The following RPS6KA5 variants were observed in gnomAD, a reference collection of about 807,000 sequenced individuals.
RPS6KA5 encodes ribosomal protein S6 kinase alpha-5.
RPS6KA5 carries 27 observed loss-of-function variants against 85.5 expected under a neutral mutation model. That is an observed-to-expected ratio of 0.32 (90% CI 0.23 to 0.44). RPS6KA5 has a LOEUF of 0.44. Ranked by LOEUF, RPS6KA5 falls within the 20% of genes least tolerant of loss-of-function variation. The probability of loss-of-function intolerance (pLI) is 1.00; values close to 1 mark genes in which losing one functional copy is unlikely to be tolerated. For synonymous variants in RPS6KA5, 334 were observed against 348.2 expected (o/e 0.96, Z 0.46); for missense variants, 811 against 980.9 (o/e 0.83, Z 2.31).
intron 3 of RPS6KA5, among the ~76,000 whole-genome samples, chr14:90,950,304 TAG>T (rs1171927111): frequency 6.6e-6 from 1 of 152,238 alleles, no homozygotes; most frequent in African/African-American, 2.4e-5. Flanking sequence ...ACTTATATAT[TAG>T]TTCGAGTAGT....
At chr14:90,880,045 C>T (rs111256949) in intron 14 of RPS6KA5, among the ~76,000 whole-genome samples, 2,719 of 152,120 alleles carry the variant, frequency 0.018, 101 homozygotes, top group African/African-American at 0.062. Flanking sequence ...GTGATCTACC[C>T]GCCTTGGCCT....
chr14:90,905,977 C>T (rs939971018), intron 8 of RPS6KA5, among the ~76,000 whole-genome samples, 172 bp downstream of exon 8: 1 of 152,098 alleles, frequency 6.6e-6, no homozygotes, highest in East Asian at 1.9e-4. Context: ...TTTGGCCCTA[C>T]TGAAAGGGTC....
At chr14:90,902,058 T>A (rs1216259553) in intron 9 of RPS6KA5, among the ~76,000 whole-genome samples, 2 of 151,472 alleles carry the variant, frequency 1.3e-5, no homozygotes, top group Non-Finnish European at 2.9e-5. Context: ...CATGCACCTG[T>A]GGTCCCAGCT....
intron 2 of RPS6KA5, among the ~76,000 whole-genome samples, chr14:90,994,138 G>C (rs2040417917): frequency 6.6e-6 from 1 of 152,066 alleles, no homozygotes. Context: ...GCTTCCCAAA[G>C]TGCTGGGATT....
At chr14:90,974,461 T>C (rs2039471221) in intron 3 of RPS6KA5, among the ~76,000 whole-genome samples, 1 of 152,196 alleles carries the variant, frequency 6.6e-6, no homozygotes, top group Non-Finnish European at 1.5e-5. Flanking sequence ...TTCTTTCTAG[T>C]TCCCCTCTTC....
chr14:91,059,143 C>A (rs1453182671), intron 1 of RPS6KA5, among the ~76,000 whole-genome samples: 2 of 151,842 alleles, frequency 1.3e-5, no homozygotes, highest in Admixed American at 6.6e-5. Flanking sequence ...GCCTGACCAA[C>A]GTGGAGAGGA....
At chr14:90,916,762 G>T (rs1360788816) in intron 7 of RPS6KA5, among the ~76,000 whole-genome samples, 1 of 152,078 alleles carries the variant, frequency 6.6e-6, no homozygotes, top group African/African-American at 2.4e-5. Context: ...TTAAAGGGAA[G>T]GAATCCTATT....
At chr14:90,904,525 G>A (rs1212700540) in intron 8 of RPS6KA5, among the ~76,000 whole-genome samples, 1 of 152,168 alleles carries the variant, frequency 6.6e-6, no homozygotes, top group Non-Finnish European at 1.5e-5. Context: ...TTCTAGTTAA[G>A]TGTTTTTTTC....
At chr14:91,001,651 GTC>G (rs2040803139) in intron 1 of RPS6KA5, among the ~76,000 whole-genome samples, 1 of 152,082 alleles carries the variant, frequency 6.6e-6, no homozygotes. Context: ...AATACTCTAT[GTC>G]TCCATTACTA....
At chr14:90,941,491 G>C (rs760143787) in intron 5 of RPS6KA5, among the ~76,000 whole-genome samples, 21 of 152,198 alleles carry the variant, frequency 1.4e-4, no homozygotes, top group Non-Finnish European at 2.4e-4. Flanking sequence ...GTCATTTTCT[G>C]TATGGTATCC....
chr14:91,003,999 C>T (rs2040897196), intron 1 of RPS6KA5, among the ~76,000 whole-genome samples: 1 of 152,244 alleles, frequency 6.6e-6, no homozygotes, highest in African/African-American at 2.4e-5. Flanking sequence ...TCACCAAGGT[C>T]AAGGTTTCAG....
rs2140097898 is a variant in RPS6KA5 at position 90,853,281 on chromosome 14, C to T, written c.*18793G>A. 1 of 152,086 alleles carries T rather than the reference C, an allele frequency of 6.6e-6. No homozygotes were observed. The highest frequency in any genetic ancestry group is 1.5e-5 in the Non-Finnish European group (1 of 67,994). The allele number at this position is 152,086 out of a possible 1,614,324, so 9.4% of individuals were successfully genotyped here. A position where few individuals can be genotyped will look rare whatever the true frequency, so the allele number is the denominator to read the frequency against. On this transcript the variant is annotated 3_prime_UTR_variant, in exon 17 of 17. Coordinates refer to ENST00000614987, the MANE Select transcript of RPS6KA5 (RefSeq NM_004755.4). ...ACTGTAGAAACTTCTTAGGTTATCA[C>T]TCAAAAAACAAAACAAAAGCCAAAA... is the stretch of plus-strand genomic sequence containing the variant.
At chr14:90,889,700 A>G (rs2034444352) in intron 14 of RPS6KA5, among the ~76,000 whole-genome samples, 1 of 152,220 alleles carries the variant, frequency 6.6e-6, no homozygotes, top group South Asian at 2.1e-4. Context: ...AAATACAGGT[A>G]TAATATAATC....
At chr14:90,905,849 AACC>A (rs886114891) in intron 8 of RPS6KA5, among the ~76,000 whole-genome samples, 3 of 152,302 alleles carry the variant, frequency 2.0e-5, no homozygotes, top group Admixed American at 6.5e-5. Flanking sequence ...CATAAATGGA[AACC>A]ACCACCTAGA....
intron 7 of RPS6KA5, among the ~76,000 whole-genome samples, chr14:90,910,771 C>T (rs1489567233): frequency 2.0e-5 from 3 of 151,790 alleles, no homozygotes; most frequent in Admixed American, 6.6e-5. Context: ...CTGCAAGCTC[C>T]GCCTCCCAGG....
intron 2 of RPS6KA5, among the ~76,000 whole-genome samples, chr14:90,980,044 T>C (rs189348006): frequency 6.6e-6 from 1 of 152,330 alleles, no homozygotes; most frequent in Non-Finnish European, 1.5e-5. Context: ...GGTTTGTGTA[T>C]TAGCTCATCG....
At position 90,851,786 on chromosome 14, in the gene RPS6KA5, T is replaced by C. The variant is rs903940278; in HGVS notation, c.*20288A>G. The C allele has an allele frequency of 1.3e-5, 2 of 152,172 alleles. No individual in the cohort carries two copies. The highest frequency in any genetic ancestry group is 2.4e-5 in the African/African-American group (1 of 41,436). 9.4% of individuals were successfully genotyped at this position (152,172 alleles called of 1,614,324 possible). The stretch of plus-strand genomic sequence containing the variant: ...GTAGATATCATTAGTAAAAACTGAA[T>C]GGTTTTTACTAATAAAGCTGGGCAC... On this transcript the variant is annotated 3_prime_UTR_variant, in exon 17 of 17. Coordinates refer to ENST00000614987, the MANE Select transcript of RPS6KA5 (RefSeq NM_004755.4).
intron 1 of RPS6KA5, among the ~76,000 whole-genome samples, chr14:91,025,102 T>C (rs1252201131): frequency 1.3e-5 from 2 of 152,054 alleles, no homozygotes; most frequent in Admixed American, 6.6e-5. Flanking sequence ...TGGAGTGCAG[T>C]GGTACGATCT....
rs2032175691 is a variant in RPS6KA5, at chr14:90,854,458, C to G, written c.*17616G>C. 6.6e-6 allele frequency: 1 copy of G among 152,032 alleles called. No individual in the cohort carries two copies. The highest frequency in any genetic ancestry group is 2.4e-5 in the African/African-American group (1 of 41,402). 9.4% of individuals were successfully genotyped at this position (152,032 alleles called of 1,614,324 possible). ...CAATGTACACTTGTCTCAAGTAAGTCTATTTAACTAGAATTTTTAAAGACT... is the reference window on the plus strand; with the variant it reads ...CAATGTACACTTGTCTCAAGTAAGTGTATTTAACTAGAATTTTTAAAGACT... On this transcript the variant is annotated 3_prime_UTR_variant, in exon 17 of 17. Transcript: ENST00000614987.
Sources: allele counts gnomAD v4.1 joint callset (sites outside exome capture counted in the v4.1 genomes callset), GRCh38; gene constraint gnomAD v4.1.1; transcripts MANE v1.5; gene names NCBI Gene and HGNC (gene_info 2026-07-23, HGNC 2026-07-21).